EPS15: variants seen among roughly 807,000 people sequenced by gnomAD.
EPS15 encodes the protein epidermal growth factor receptor pathway substrate 15, also known as epidermal growth factor receptor substrate 15.
A neutral mutation model predicts 113.8 loss-of-function variants in EPS15; 72 were observed. That is an observed-to-expected ratio of 0.63 (90% CI 0.52 to 0.77). EPS15 has a LOEUF of 0.77. Among genes scored for constraint, EPS15 ranks in the 30% least tolerant of loss-of-function variants. EPS15 has a pLI of 0.00. For missense variants in EPS15, 1,048 were observed against 1,045.8 expected, an observed-to-expected ratio of 1.00 and a Z score of -0.03; for synonymous variants, 344 against 363.4, an observed-to-expected ratio of 0.95 and a Z score of 0.61.
intron 4 of EPS15, among the ~76,000 whole-genome samples, chr1:51,468,806 G>A (rs1655035830): frequency 6.6e-6 from 1 of 152,108 alleles, no homozygotes; most frequent in Non-Finnish European, 1.5e-5. Context: ...TACAGATAGT[G>A]GAAATCATAC....
intron 22 of EPS15, among the ~76,000 whole-genome samples, chr1:51,364,525 G>T (rs1008313888): frequency 6.6e-6 from 1 of 150,862 alleles, no homozygotes; most frequent in Non-Finnish European, 1.5e-5. Flanking sequence ...AATTTAAAAG[G>T]CAGGAGTCTC....
At chr1:51,396,646 C>T (rs1557798359) in intron 20 of EPS15, among the ~76,000 whole-genome samples, 1 of 152,062 alleles carries the variant, frequency 6.6e-6, no homozygotes, top group Non-Finnish European at 1.5e-5. Flanking sequence ...AGTTTCTAGT[C>T]CTTCATCATA....
intron 4 of EPS15, among the ~76,000 whole-genome samples, chr1:51,471,431 GAA>G (rs1655229831): frequency 6.6e-6 from 1 of 152,014 alleles, no homozygotes; most frequent in South Asian, 2.1e-4. Context: ...ATGTAACTAG[GAA>G]AATTAATTAA....
intron 21 of EPS15, 43 bp from the exon 22 acceptor site, chr1:51,366,072 A>AT (rs372983066): frequency 0.079 from 89,228 of 1,128,872 alleles, 275 homozygotes; most frequent in Non-Finnish European, 0.088. Flanking sequence ...ACAGTAAGAC[A>AT]TTTTTTTTTT....
intron 8 of EPS15, among the ~76,000 whole-genome samples, chr1:51,455,688 T>A (rs1442024118): frequency 6.6e-6 from 1 of 152,164 alleles, no homozygotes; most frequent in African/African-American, 2.4e-5. Flanking sequence ...GAAGTTAAAC[T>A]CGGAAATATA....
At chr1:51,480,817 C>A (rs938097729) in intron 2 of EPS15, among the ~76,000 whole-genome samples, 2 of 152,090 alleles carry the variant, frequency 1.3e-5, no homozygotes, top group African/African-American at 2.4e-5. Flanking sequence ...CGGCCATATT[C>A]CCATTTTTAT....
intron 1 of EPS15, among the ~76,000 whole-genome samples, chr1:51,508,589 A>G (rs765920449): frequency 4.6e-5 from 7 of 152,152 alleles, no homozygotes; most frequent in Non-Finnish European, 1.0e-4. Flanking sequence ...GTCTTGTACT[A>G]TATCCAGTGT....
chr1:51,448,955 C>T (rs755366074), intron 8 of EPS15, among the ~76,000 whole-genome samples: 4 of 151,972 alleles, frequency 2.6e-5, no homozygotes, highest in African/African-American at 4.8e-5. Flanking sequence ...CTAGAGGTGT[C>T]GCCAGAAGAA....
At chr1:51,479,608 C>A (rs1643983149) in intron 2 of EPS15, among the ~76,000 whole-genome samples, 1 of 152,112 alleles carries the variant, frequency 6.6e-6, no homozygotes, top group African/African-American at 2.4e-5. Flanking sequence ...CTCACTGACT[C>A]CTCAGAATTC....
intron 1 of EPS15, among the ~76,000 whole-genome samples, chr1:51,500,996 A>T (rs1463662834): frequency 1.4e-5 from 2 of 142,948 alleles, no homozygotes; most frequent in Admixed American, 1.4e-4. Flanking sequence ...AAAAAAAAAA[A>T]TAAAGAAAGA....
At chr1:51,453,936 G>A (rs1653770302) in intron 8 of EPS15, among the ~76,000 whole-genome samples, 1 of 151,338 alleles carries the variant, frequency 6.6e-6, no homozygotes, top group African/African-American at 2.4e-5. Flanking sequence ...TATAAACCCA[G>A]CTACTCTGGA....
chr1:51,435,342 C>T (rs767724239), intron 12 of EPS15, among the ~76,000 whole-genome samples: 2 of 151,950 alleles, frequency 1.3e-5, no homozygotes, highest in Non-Finnish European at 2.9e-5. Context: ...TATAGGCATG[C>T]GCCACCACGC....
intron 1 of EPS15, among the ~76,000 whole-genome samples, chr1:51,503,465 C>G (rs908131926): frequency 3.3e-5 from 5 of 151,960 alleles, no homozygotes; most frequent in Admixed American, 3.3e-4. Flanking sequence ...GTCTACTCTA[C>G]TAAACATCTC....
chr1:51,433,533 G>A (rs1454213270), intron 12 of EPS15, among the ~76,000 whole-genome samples: 1 of 152,224 alleles, frequency 6.6e-6, no homozygotes, highest in South Asian at 2.1e-4. Context: ...ATCACACAGA[G>A]TCGAGAATCT....
At chr1:51,375,311 T>C (rs1646772404) in intron 21 of EPS15, among the ~76,000 whole-genome samples, 1 of 152,196 alleles carries the variant, frequency 6.6e-6, no homozygotes, top group South Asian at 2.1e-4. Flanking sequence ...ATATTTAATA[T>C]GCTTCTATCC....
intron 15 of EPS15, among the ~76,000 whole-genome samples, chr1:51,407,413 G>A (rs1649232369): frequency 6.6e-6 from 1 of 152,086 alleles, no homozygotes; most frequent in African/African-American, 2.4e-5. Flanking sequence ...TGGCAGGGCT[G>A]GTCTCGAACT....
intron 8 of EPS15, among the ~76,000 whole-genome samples, chr1:51,454,702 C>T (rs745998936): frequency 2.6e-5 from 4 of 152,066 alleles, no homozygotes; most frequent in Non-Finnish European, 4.4e-5. Context: ...AACATGACAA[C>T]TAAATGCAAC....
intron 21 of EPS15, 87 bp from the exon 22 acceptor site, chr1:51,366,116 CAAGAGCAGTG>C (rs1646503066): frequency 1.2e-6 from 1 of 843,598 alleles, no homozygotes; most frequent in South Asian, 1.7e-5. Flanking sequence ...CACCCAGCCT[CAAGAGCAGTG>C]GTACGATCAT....
At position 51,471,712 on chromosome 1, in the gene EPS15, C is replaced by G; in HGVS notation, c.191G>C (p.Gly64Ala). ...TACTTGTTTGTTCAGGATACCTTTG[C>G]CATCTGTGTCGGCTAAATCCCAAAT... ...GKIWDLADTD[G>A]KGILNKQEFF... The change falls in exon 4 of 25, where the codon GGC becomes GCC. Residue 64 changes from glycine (G) to alanine (A), a missense_variant. Gly to Ala is a moderately conservative substitution (Grantham distance 60, BLOSUM62 0). Coordinates refer to ENST00000371733, the MANE Select transcript of EPS15 (RefSeq NM_001981.3). 1 of 1,610,730 alleles carries G rather than the reference C, an allele frequency of 6.2e-7. No individual in the cohort carries two copies. The highest frequency in any genetic ancestry group is 8.5e-7 in the Non-Finnish European group (1 of 1,177,698).
Sources: gnomAD v4.1 joint callset for allele counts (sites outside exome capture counted in the v4.1 genomes callset) on GRCh38, gnomAD v4.1.1 for gene constraint, MANE v1.5 for transcripts, NCBI Gene and HGNC (gene_info 2026-07-23, HGNC 2026-07-21) for gene names.